ASIC2: variants seen among roughly 807,000 people sequenced by gnomAD.
ASIC2 encodes acid-sensing ion channel 2.
A neutral mutation model predicts 57.3 loss-of-function variants in ASIC2; 25 were observed. The ratio of observed to expected loss-of-function variants is 0.44; its 90% confidence interval spans 0.32 to 0.61. The LOEUF is 0.61. ASIC2 is among the 20% of genes least tolerant of loss of function. The probability of loss-of-function intolerance (pLI) is 0.06; values close to 1 mark genes in which losing one functional copy is unlikely to be tolerated. For missense variants in ASIC2, 641 were observed against 738.1 expected, an observed-to-expected ratio of 0.87 and a Z score of 1.52; for synonymous variants, 319 against 307.5, an observed-to-expected ratio of 1.04 and a Z score of -0.39.
chr17:33,888,050 T>A (rs1025459558), intron 1 of ASIC2, among the ~76,000 whole-genome samples: 4 of 152,204 alleles, frequency 2.6e-5, no homozygotes, highest in African/African-American at 9.7e-5. Context: ...TCGGGGCCCA[T>A]CTGCTGTGCT....
chr17:33,605,611 T>A (rs1217973319), intron 1 of ASIC2, among the ~76,000 whole-genome samples: 2 of 152,074 alleles, frequency 1.3e-5, no homozygotes, highest in Admixed American at 6.5e-5. Flanking sequence ...GCTACCTTTT[T>A]AAAAAAAGAA....
intron 1 of ASIC2, among the ~76,000 whole-genome samples, chr17:34,112,640 G>A (rs1427960453): frequency 2.0e-5 from 3 of 152,138 alleles, no homozygotes; most frequent in African/African-American, 7.2e-5. Flanking sequence ...CCTAGGCTCT[G>A]CAGTGAAGCC....
At chr17:33,760,000 C>T (rs893915074) in intron 1 of ASIC2, among the ~76,000 whole-genome samples, 5 of 152,124 alleles carry the variant, frequency 3.3e-5, no homozygotes, top group African/African-American at 1.2e-4. Context: ...GACTTCCCAG[C>T]CTCCAGAACT....
chr17:33,532,608 C>T (rs1275228209), intron 1 of ASIC2, among the ~76,000 whole-genome samples: 9 of 152,218 alleles, frequency 5.9e-5, no homozygotes, highest in Non-Finnish European at 1.3e-4. Context: ...CTGGCAGGTG[C>T]TAGTGCAATG....
At chr17:33,578,261 T>C (rs1916704349) in intron 1 of ASIC2, among the ~76,000 whole-genome samples, 1 of 152,166 alleles carries the variant, frequency 6.6e-6, no homozygotes. Context: ...TATCTACTGG[T>C]CATTAAAAGC....
rs1159250714 is a variant in ASIC2 at position 33,662,637 on chromosome 17, A to AAATG, written c.555+493340_555+493341insCATT. On this transcript the variant is annotated intron_variant, in intron 1 of 9. Coordinates refer to the ASIC2 transcript ENST00000359872. ...GACTCTGTCTCAAAAATAAATAAAT[A>AAATG]AATAAATAAATAAATAAATAAATAA... is the stretch of plus-strand genomic sequence containing the variant. Among the ~76,000 whole-genome samples, 6 of 129,500 alleles carry AAATG rather than the reference A, an allele frequency of 4.6e-5. No individual in the cohort carries two copies. The East Asian group carries it at 1.5e-3, about 32-fold the overall frequency. The allele number at this position is 129,500 out of a possible 152,430, so 85.0% of individuals were successfully genotyped here.
intron 3 of ASIC2, among the ~76,000 whole-genome samples, chr17:33,039,392 C>T (rs2091921729): frequency 1.3e-5 from 2 of 152,166 alleles, no homozygotes; most frequent in Admixed American, 6.5e-5. Context: ...CCTGGCTCGT[C>T]TTCCGCTGGG....
At chr17:33,584,896 C>A (rs541737159) in intron 1 of ASIC2, among the ~76,000 whole-genome samples, 1 of 151,992 alleles carries the variant, frequency 6.6e-6, no homozygotes, top group Non-Finnish European at 1.5e-5. Flanking sequence ...AAAGACAGGG[C>A]AGAGGCACCA....
intron 1 of ASIC2, among the ~76,000 whole-genome samples, chr17:33,836,012 G>A (rs141161172): frequency 0.013 from 1,918 of 148,494 alleles, 40 homozygotes; most frequent in African/African-American, 0.043. Context: ...TATGTCTATC[G>A]TATATAATAT....
intron 1 of ASIC2, among the ~76,000 whole-genome samples, chr17:33,553,509 T>C (rs190946055): frequency 1.3e-4 from 20 of 151,906 alleles, no homozygotes; most frequent in Non-Finnish European, 2.5e-4. Context: ...ATTATTATTA[T>C]TATTATTTTG....
intron 1 of ASIC2, among the ~76,000 whole-genome samples, chr17:33,565,316 C>A (rs1916200110): frequency 6.6e-6 from 1 of 152,168 alleles, no homozygotes. Flanking sequence ...GGAGTCAGAG[C>A]AGATATTCAA....
intron 3 of ASIC2, among the ~76,000 whole-genome samples, chr17:33,050,068 TG>T (rs538136274): frequency 1.4e-3 from 209 of 152,312 alleles, no homozygotes; most frequent in Non-Finnish European, 1.6e-3. Context: ...CGGGTAAGCC[TG>T]CTCAGCCTGA....
chr17:33,764,023 G>A (rs1044001265), intron 1 of ASIC2, among the ~76,000 whole-genome samples: 6 of 152,158 alleles, frequency 3.9e-5, no homozygotes, highest in Admixed American at 1.3e-4. Flanking sequence ...GCCGGGTGCC[G>A]TGGCTCGCGC....
At chr17:33,630,140 C>T (rs1906114687) in intron 1 of ASIC2, among the ~76,000 whole-genome samples, 1 of 152,156 alleles carries the variant, frequency 6.6e-6, no homozygotes, top group Non-Finnish European at 1.5e-5. Context: ...CTTTTCTTCC[C>T]TACCCTCAAT....
intron 1 of ASIC2, among the ~76,000 whole-genome samples, chr17:33,823,434 C>T (rs555443360): frequency 2.6e-5 from 4 of 152,140 alleles, no homozygotes; most frequent in Non-Finnish European, 5.9e-5. Context: ...CAGAAAACTG[C>T]CTCAGAAGCC....
chr17:33,723,623 C>T (rs188782268), intron 1 of ASIC2, among the ~76,000 whole-genome samples: 29 of 152,292 alleles, frequency 1.9e-4, no homozygotes, highest in Admixed American at 7.2e-4. Context: ...GCCACTGCAC[C>T]CAGCCCTATG....
At chr17:34,032,764 G>C (rs892724188) in intron 1 of ASIC2, among the ~76,000 whole-genome samples, 2 of 152,324 alleles carry the variant, frequency 1.3e-5, no homozygotes, top group South Asian at 4.1e-4. Flanking sequence ...AAGAGACAAA[G>C]AAGGCCATTA....
chr17:33,548,699 C>T (rs1406600705), intron 1 of ASIC2, among the ~76,000 whole-genome samples: 1 of 152,162 alleles, frequency 6.6e-6, no homozygotes, highest in Non-Finnish European at 1.5e-5. Context: ...CAGTTATGGT[C>T]AGACACTCAA....
At chr17:33,072,687 G>C (rs1414107913) in intron 3 of ASIC2, among the ~76,000 whole-genome samples, 1 of 152,194 alleles carries the variant, frequency 6.6e-6, no homozygotes, top group Admixed American at 6.5e-5. Context: ...AAGAGGTATA[G>C]TGATCTGCTC....
Sources: allele counts gnomAD v4.1 joint callset (sites outside exome capture counted in the v4.1 genomes callset), GRCh38; gene constraint gnomAD v4.1.1; transcripts MANE v1.5; gene names NCBI Gene and HGNC (gene_info 2026-07-23, HGNC 2026-07-21).